Variants in RGS7BP observed in about 807,000 individuals in gnomAD.
RGS7BP encodes regulator of G protein signaling 7 binding protein, also known as regulator of G protein signaling 7-binding protein.
RGS7BP carries 9 observed loss-of-function variants against 31.3 expected under a neutral mutation model. The observed-to-expected ratio is 0.29, with a 90% confidence interval of 0.17 to 0.50. The LOEUF is 0.50. RGS7BP is among the 20% of genes least tolerant of loss of function. The pLI is 0.98. For synonymous variants in RGS7BP, 115 were observed against 120.1 expected, an observed-to-expected ratio of 0.96 and a Z score of 0.28; for missense variants, 274 against 322.0, an observed-to-expected ratio of 0.85 and a Z score of 1.14.
rs1743217295 is a variant in RGS7BP at position 64,601,538 on chromosome 5, G to A, written c.682+3103G>A. 5.0e-6 allele frequency: 3 copies of A among 594,586 alleles called. No homozygotes were observed. In the South Asian group the frequency reaches 2.2e-4, roughly 44 times the overall value. 36.8% of individuals were successfully genotyped at this position (594,586 alleles called of 1,614,324 possible). On this transcript the variant is annotated intron_variant, in intron 5 of 5. Coordinates refer to ENST00000334025, the MANE Select transcript of RGS7BP (RefSeq NM_001029875.3). Reference sequence around the variant, plus strand: ...CAGCCTTTTCTTTCCCGTCCATCCAGTTTAAGACTGGAGGCCAAGAGATGC... The same window carrying A: ...CAGCCTTTTCTTTCCCGTCCATCCAATTTAAGACTGGAGGCCAAGAGATGC...
Position 64,519,267 on chromosome 5 carries a change from T to A in RGS7BP, c.332+11390T>A, listed in dbSNP as rs1459608858. Among the ~76,000 whole-genome samples, 10 of 152,312 alleles carry A rather than the reference T, an allele frequency of 6.6e-5. No homozygotes were observed. The East Asian group carries it at 1.9e-3, about 29-fold the overall frequency. ...CCTCCTCATTTCCCTCTTAGTTCGT[T>A]TGTTCCTTTCATTAAACGTTGAACA... On this transcript the variant is annotated intron_variant, in intron 2 of 5. Transcript: ENST00000334025.
In RGS7BP at chr5:64,612,279, C is replaced by T. The variant is rs1054309276; in HGVS notation, c.*3027C>T. The T allele has an allele frequency of 3.9e-5, 6 of 151,916 alleles. No individual in the cohort carries two copies. Among genetic ancestry groups the T allele is most frequent in the African/African-American group, 1.5e-4 (6 of 41,236 alleles). The allele number at this position is 151,916 out of a possible 1,614,324, so 9.4% of individuals were successfully genotyped here. On this transcript the variant is annotated 3_prime_UTR_variant, in exon 6 of 6. Coordinates refer to ENST00000334025, the MANE Select transcript of RGS7BP (RefSeq NM_001029875.3). Reference sequence around the variant, plus strand: ...GATAAGTGAAGAAATGCCCACAAGGCCAAGGTGTCACTTAAAAAAACAAAC... The same window carrying T: ...GATAAGTGAAGAAATGCCCACAAGGTCAAGGTGTCACTTAAAAAAACAAAC...
chr5:64,565,421 A>T (rs974401536), intron 2 of RGS7BP, among the ~76,000 whole-genome samples: 13 of 152,142 alleles, frequency 8.5e-5, no homozygotes, highest in African/African-American at 3.1e-4. Context: ...AAATGTTAGG[A>T]TGTTTACTTC....
At chr5:64,522,416 A>C (rs1749129193) in intron 2 of RGS7BP, among the ~76,000 whole-genome samples, 1 of 152,126 alleles carries the variant, frequency 6.6e-6, no homozygotes. Context: ...GCCCTCACTA[A>C]AGACTCTCTA....
At chr5:64,508,723 A>G (rs1748758663) in intron 2 of RGS7BP, among the ~76,000 whole-genome samples, 1 of 152,212 alleles carries the variant, frequency 6.6e-6, no homozygotes, top group Non-Finnish European at 1.5e-5. Flanking sequence ...TTCAGTCTGG[A>G]TATAGTATTT....
chr5:64,561,199 A>C (rs1222528699), intron 2 of RGS7BP, among the ~76,000 whole-genome samples: 2 of 152,136 alleles, frequency 1.3e-5, no homozygotes, highest in African/African-American at 4.8e-5. Flanking sequence ...AGAAAATAAC[A>C]TTGTACACTT....
intron 2 of RGS7BP, among the ~76,000 whole-genome samples, chr5:64,554,764 A>G (rs1741882034): frequency 6.6e-6 from 1 of 152,210 alleles, no homozygotes; most frequent in Non-Finnish European, 1.5e-5. Context: ...TTACCTGTTA[A>G]TGACTTAGAA....
chr5:64,530,537 A>T (rs1343462006), intron 2 of RGS7BP, among the ~76,000 whole-genome samples: 1 of 152,238 alleles, frequency 6.6e-6, no homozygotes, highest in Non-Finnish European at 1.5e-5. Flanking sequence ...TCACAAAGGC[A>T]ATAAATGCTA....
chr5:64,569,022 G>A (rs1742240706), intron 2 of RGS7BP, among the ~76,000 whole-genome samples: 1 of 152,098 alleles, frequency 6.6e-6, no homozygotes. Flanking sequence ...GAGGCCTGTT[G>A]CTTTATATAT....
intron 2 of RGS7BP, among the ~76,000 whole-genome samples, chr5:64,522,808 T>C (rs1305873141): frequency 6.6e-6 from 1 of 152,158 alleles, no homozygotes; most frequent in Non-Finnish European, 1.5e-5. Context: ...GTAGATCTAA[T>C]GTGAAAATGT....
rs139728275 is a variant in RGS7BP, at chr5:64,546,383, A to G, written c.333-29391A>G. Among the ~76,000 whole-genome samples the G allele has an allele frequency of 6.4e-4, 98 of 152,260 alleles. 2 individuals are homozygous for G. The East Asian group carries it at 0.019, about 29-fold the overall frequency. ...CACCCTGAGAGGTAGGAGTAAAACA[A>G]CGAAAGACAGCGTCACAGAAGCAAG... On this transcript the variant is annotated intron_variant, in intron 2 of 5. Coordinates refer to ENST00000334025, the MANE Select transcript of RGS7BP (RefSeq NM_001029875.3).
chr5:64,515,837 T>A (rs532299323), intron 2 of RGS7BP, among the ~76,000 whole-genome samples: 21 of 150,856 alleles, frequency 1.4e-4, no homozygotes, highest in South Asian at 2.1e-4. Flanking sequence ...TAATAATAAT[T>A]ATTATTATTA....
At chr5:64,564,509 A>G (rs1742124706) in intron 2 of RGS7BP, among the ~76,000 whole-genome samples, 1 of 152,176 alleles carries the variant, frequency 6.6e-6, no homozygotes, top group Non-Finnish European at 1.5e-5. Flanking sequence ...GTTATAATTC[A>G]CGATTTATGA....
At chr5:64,568,896 A>C (rs1364964298) in intron 2 of RGS7BP, among the ~76,000 whole-genome samples, 1 of 150,004 alleles carries the variant, frequency 6.7e-6, no homozygotes, top group African/African-American at 2.5e-5. Flanking sequence ...AACTCTCCCA[A>C]CCGGGTCATG....
At chr5:64,507,943 G>A in intron 2 of RGS7BP, 66 bp downstream of exon 2, 1 of 1,345,008 alleles carries the variant, frequency 7.4e-7, no homozygotes, top group Non-Finnish European at 1.0e-6. Flanking sequence ...GAATTTTATG[G>A]TAGTCAAGTC....
intron 2 of RGS7BP, among the ~76,000 whole-genome samples, chr5:64,514,780 A>C (rs1227137983): frequency 6.6e-6 from 1 of 152,232 alleles, no homozygotes; most frequent in East Asian, 1.9e-4. Context: ...CAGTGGTGCT[A>C]ATACTGTTGC....
chr5:64,594,612 C>A, intron 3 of RGS7BP, 98 bp from the exon 4 acceptor site: 2 of 1,169,594 alleles, frequency 1.7e-6, no homozygotes, highest in Non-Finnish European at 2.5e-6. Context: ...ACATTTGACT[C>A]AAAGCATAGC....
intron 3 of RGS7BP, among the ~76,000 whole-genome samples, chr5:64,594,111 T>C (rs1742996293): frequency 6.6e-6 from 1 of 152,122 alleles, no homozygotes; most frequent in African/African-American, 2.4e-5. Context: ...CACATTTGAG[T>C]TGACGGTGTT....
intron 2 of RGS7BP, among the ~76,000 whole-genome samples, chr5:64,538,546 C>CT (rs1191560944): frequency 0.038 from 1,509 of 40,058 alleles, 316 homozygotes; most frequent in Non-Finnish European, 0.047. Flanking sequence ...TTTTCCTTTT[C>CT]TTTTTTTTTT....
Sources: allele counts gnomAD v4.1 joint callset (sites outside exome capture counted in the v4.1 genomes callset), GRCh38; gene constraint gnomAD v4.1.1; transcripts MANE v1.5; gene names NCBI Gene and HGNC (gene_info 2026-07-23, HGNC 2026-07-21).